CLSTN2: variants seen among roughly 807,000 people sequenced by gnomAD.
CLSTN2 encodes the protein calsyntenin-2.
CLSTN2 carries 48 observed loss-of-function variants against 101.2 expected under a neutral mutation model. That is an observed-to-expected ratio of 0.47 (90% CI 0.38 to 0.60). The LOEUF (loss-of-function observed/expected upper bound fraction) is 0.60. Among genes scored for constraint, CLSTN2 ranks in the 20% least tolerant of loss-of-function variants. The probability of loss-of-function intolerance (pLI) is 0.00; values close to 1 mark genes in which losing one functional copy is unlikely to be tolerated. For synonymous variants in CLSTN2, 481 were observed against 463.6 expected, an observed-to-expected ratio of 1.04 and a Z score of -0.48; for missense variants, 1,160 against 1,238.2, an observed-to-expected ratio of 0.94 and a Z score of 0.95.
chr3:140,558,966 A>G, intron 12 of CLSTN2, 109 bp downstream of exon 12: 1 of 794,900 alleles, frequency 1.3e-6, no homozygotes, highest in Non-Finnish European at 2.0e-6. Flanking sequence ...ACATGGCTTA[A>G]ATGTATACAT....
chr3:140,354,908 A>G (rs957691541), intron 2 of CLSTN2, among the ~76,000 whole-genome samples: 1 of 152,108 alleles, frequency 6.6e-6, no homozygotes, highest in Non-Finnish European at 1.5e-5. Flanking sequence ...TGCACCTACT[A>G]TTCTCCTGCT....
chr3:140,205,239 C>G (rs1291115804), intron 2 of CLSTN2, among the ~76,000 whole-genome samples: 1 of 152,172 alleles, frequency 6.6e-6, no homozygotes, highest in Admixed American at 6.5e-5. Context: ...ATTTCTTTAT[C>G]ATTATACCTA....
At chr3:140,459,805 C>T (rs1382829268) in intron 7 of CLSTN2, 36 bp downstream of exon 7, 1 of 1,564,418 alleles carries the variant, frequency 6.4e-7, no homozygotes, top group Admixed American at 1.7e-5. Context: ...CCCCTCCTAC[C>T]CCAGCAGCTG....
At chr3:140,321,889 G>A (rs1466355231) in intron 2 of CLSTN2, among the ~76,000 whole-genome samples, 1 of 152,238 alleles carries the variant, frequency 6.6e-6, no homozygotes, top group Non-Finnish European at 1.5e-5. Flanking sequence ...CAGGCTCGTA[G>A]GAAAGGAGGA....
At chr3:140,176,161 G>T in intron 2 of CLSTN2, 88 bp downstream of exon 2, 1 of 1,453,396 alleles carries the variant, frequency 6.9e-7, no homozygotes, top group Non-Finnish European at 9.5e-7. Flanking sequence ...TGGCTTTATA[G>T]CTATTGTCAC....
intron 2 of CLSTN2, among the ~76,000 whole-genome samples, chr3:140,353,200 T>C (rs1457271050): frequency 6.6e-6 from 1 of 151,510 alleles, no homozygotes; most frequent in Non-Finnish European, 1.5e-5. Context: ...TGGGGTTCTG[T>C]AGAGGGACAC....
At chr3:140,560,426 CCCTATCCCTT>C (rs1353021103) in intron 12 of CLSTN2, among the ~76,000 whole-genome samples, 1 of 152,200 alleles carries the variant, frequency 6.6e-6, no homozygotes, top group Non-Finnish European at 1.5e-5. Flanking sequence ...CCCTTTCCTT[CCCTATCCCTT>C]GATTCCTGGC....
intron 2 of CLSTN2, among the ~76,000 whole-genome samples, chr3:140,354,960 C>T (rs1188429461): frequency 6.6e-6 from 1 of 152,188 alleles, no homozygotes; most frequent in African/African-American, 2.4e-5. Flanking sequence ...GCTCTTCAAA[C>T]ACCTTCATTT....
chr3:140,030,526 C>T (rs2007525177), intron 1 of CLSTN2, among the ~76,000 whole-genome samples: 1 of 152,110 alleles, frequency 6.6e-6, no homozygotes, highest in African/African-American at 2.4e-5. Context: ...CTAGGTCACT[C>T]ACTAGGCAGG....
chr3:140,358,543 G>A (rs1044754085), intron 2 of CLSTN2, among the ~76,000 whole-genome samples: 1 of 152,160 alleles, frequency 6.6e-6, no homozygotes, highest in Non-Finnish European at 1.5e-5. Flanking sequence ...TTTCAGCCAT[G>A]GAAATGTGAT....
At chr3:140,263,907 T>C (rs2086674284) in intron 2 of CLSTN2, among the ~76,000 whole-genome samples, 1 of 152,176 alleles carries the variant, frequency 6.6e-6, no homozygotes, top group African/African-American at 2.4e-5. Flanking sequence ...ATATTTAATA[T>C]TTTCATTCCC....
rs1223910008 is a variant in CLSTN2, at chr3:140,419,615, G to A, written c.638-1510G>A. ...TATATATGTATATATACATATATAC[G>A]TGTACGTATATATGTATATATACAT... is the stretch of plus-strand genomic sequence containing the variant. On this transcript the variant is annotated intron_variant, in intron 4 of 16. Transcript: ENST00000458420. Among the ~76,000 whole-genome samples the A allele has an allele frequency of 5.7e-5, 3 of 52,874 alleles. 1 individual carries two copies. Among genetic ancestry groups the A allele is most frequent in the African/African-American group, 4.2e-4 (2 of 4,778 alleles). The allele number at this position is 52,874 out of a possible 152,430, so 34.7% of individuals were successfully genotyped here.
At chr3:140,148,858 C>T (rs2107812914) in intron 1 of CLSTN2, among the ~76,000 whole-genome samples, 1 of 152,272 alleles carries the variant, frequency 6.6e-6, no homozygotes, top group East Asian at 1.9e-4. Flanking sequence ...GGGACTGTTT[C>T]AGATGCAATG....
chr3:140,372,578 A>T (rs916222901), intron 2 of CLSTN2, among the ~76,000 whole-genome samples: 1 of 152,268 alleles, frequency 6.6e-6, no homozygotes, highest in African/African-American at 2.4e-5. Context: ...TCTGGTCTCA[A>T]GGCAAGTAAT....
At chr3:140,320,017 C>T (rs1271034119) in intron 2 of CLSTN2, among the ~76,000 whole-genome samples, 2 of 152,206 alleles carry the variant, frequency 1.3e-5, no homozygotes, top group African/African-American at 4.8e-5. Flanking sequence ...CCTTGTCATG[C>T]CATGAGAGGC....
intron 1 of CLSTN2, among the ~76,000 whole-genome samples, chr3:140,083,734 G>C (rs2008635461): frequency 6.6e-6 from 1 of 152,188 alleles, no homozygotes; most frequent in African/African-American, 2.4e-5. Flanking sequence ...ACCTGTGCTG[G>C]GGAGTCTTCC....
chr3:140,546,403 G>C (rs1010527894), intron 9 of CLSTN2, 112 bp from the exon 10 acceptor site: 1 of 1,086,450 alleles, frequency 9.2e-7, no homozygotes, highest in Admixed American at 2.4e-5. Flanking sequence ...GAAAAGCTCA[G>C]GTTCAGGGGA....
intron 1 of CLSTN2, among the ~76,000 whole-genome samples, chr3:140,068,930 T>C (rs1203860710): frequency 6.6e-6 from 1 of 152,238 alleles, no homozygotes; most frequent in East Asian, 1.9e-4. Context: ...GTCATATGAC[T>C]TAACCACTCT....
At chr3:139,957,048 A>C (rs1196949233) in intron 1 of CLSTN2, among the ~76,000 whole-genome samples, 2 of 152,222 alleles carry the variant, frequency 1.3e-5, no homozygotes, top group African/African-American at 4.8e-5. Context: ...GAAACTAGCA[A>C]GCTGACAGAT....
Sources: allele counts gnomAD v4.1 joint callset (sites outside exome capture counted in the v4.1 genomes callset), GRCh38; gene constraint gnomAD v4.1.1; transcripts MANE v1.5; gene names NCBI Gene and HGNC (gene_info 2026-07-23, HGNC 2026-07-21).